Variants in KANSL3 observed in about 807,000 individuals in gnomAD.
The protein encoded by KANSL3 is NSL complex protein NSL3.
KANSL3 carries 16 observed loss-of-function variants against 89.2 expected under a neutral mutation model. The observed-to-expected ratio is 0.18, with a 90% CI of 0.12 to 0.27. The LOEUF is 0.27. KANSL3 is among the 10% of genes least tolerant of loss of function. KANSL3 has a pLI of 1.00. For missense variants in KANSL3, 879 were observed against 1,110.6 expected (o/e 0.79, Z 2.96); for synonymous variants, 385 against 419.7 (o/e 0.92, Z 1.01).
chr2:96,609,366 G>C, intron 12 of KANSL3, 133 bp downstream of exon 12: 1 of 782,172 alleles, frequency 1.3e-6, no homozygotes, highest in South Asian at 1.6e-5. Context: ...TCTTTTCTTT[G>C]CTTATGACTG....
chr2:96,631,361 C>T lies in KANSL3; in HGVS notation c.337G>A (p.Asp113Asn). Residue 113 changes from aspartate to asparagine, a missense_variant, in exon 3 of 21, where the codon GAT becomes AAT. By Grantham distance (23) the Asp-to-Asn change is conservative. Transcript: ENST00000431828. ...CERHVIFART[D>N]ADAPPPPEDW... ...TCTGGTGGAGGAGGGGCATCTGCATCAGTCCTGGCAAAGATGACATGCCGT... is the reference window on the plus strand; with the variant it reads ...TCTGGTGGAGGAGGGGCATCTGCATTAGTCCTGGCAAAGATGACATGCCGT... 6.2e-7 allele frequency: 1 copy of T among 1,613,064 alleles called. No individual in the cohort carries two copies. Among genetic ancestry groups the T allele is most frequent in the Middle Eastern group, 1.7e-4 (1 of 6,040 alleles).
chr2:96,609,683 G>T, intron 11 of KANSL3, 121 bp from the exon 12 acceptor site: 1 of 922,830 alleles, frequency 1.1e-6, no homozygotes. Flanking sequence ...GGCCATGTTA[G>T]CCTTAGGCAG....
downstream of KANSL3, among the ~76,000 whole-genome samples, chr2:96,588,277 G>A (rs145601924): frequency 2.0e-5 from 3 of 152,104 alleles, no homozygotes; most frequent in Non-Finnish European, 2.9e-5. Flanking sequence ...ATCTACAAAC[G>A]GGAAACAATT....
At chr2:96,628,168 G>A (rs1025983290) in intron 3 of KANSL3, 47 of 1,286,298 alleles carry the variant, frequency 3.7e-5, no homozygotes, top group African/African-American at 1.7e-4. Context: ...GGCCTATTCC[G>A]TGGACTCATC....
chr2:96,598,762 T>C (rs1363639896), intron 20 of KANSL3, among the ~76,000 whole-genome samples: 1 of 151,908 alleles, frequency 6.6e-6, no homozygotes, highest in Non-Finnish European at 1.5e-5. Flanking sequence ...ATAGAAAAAT[T>C]AGCTGAGGGT....
chr2:96,595,647 T>C lies in KANSL3; in HGVS notation c.2617-16A>G. ...GAGGCAGGCGCTGTGGCAGGAGAGG[T>C]AGTGAAGAAGGGTCAAAGCTTTGAC... On this transcript the variant is annotated splice_polypyrimidine_tract_variant and intron_variant, in intron 20 of 20. Coordinates refer to ENST00000431828, the MANE Select transcript of KANSL3 (RefSeq NM_001115016.3). 3.7e-6 allele frequency: 6 copies of C among 1,613,016 alleles called. No homozygotes were observed. The highest frequency in any genetic ancestry group is 1.1e-5 in the South Asian group (1 of 90,934).
In KANSL3 at chr2:96,597,294, C is replaced by T. The variant is rs547305149; in HGVS notation, c.2617-1663G>A. ...TAGTTTGTTTCTAAGCATTAAAAAA[C>T]GTCGGTTTCCAAAGCCTGAGGAGAT... On this transcript the variant is annotated intron_variant, in intron 20 of 20. Coordinates refer to ENST00000431828, the MANE Select transcript of KANSL3 (RefSeq NM_001115016.3). 9.2e-5 allele frequency among the ~76,000 whole-genome samples: 14 copies of T among 152,212 alleles called. No individual in the cohort carries two copies. The South Asian group carries it at 2.9e-3, about 32-fold the overall frequency.
At position 96,593,535 on chromosome 2, in the gene KANSL3, C is replaced by T. The variant is rs1553401910; in HGVS notation, c.*2076G>A. The T allele has an allele frequency of 2.9e-6, 1 of 350,074 alleles. No individual in the cohort carries two copies. The highest frequency in any genetic ancestry group is 5.6e-6 in the Non-Finnish European group (1 of 177,484). The allele number at this position is 350,074 out of a possible 1,614,324, so 21.7% of individuals were successfully genotyped here. A position where few individuals can be genotyped will look rare whatever the true frequency, so the allele number is the denominator to read the frequency against. On this transcript the variant is annotated 3_prime_UTR_variant, in exon 21 of 21. Transcript: ENST00000431828. Reference sequence around the variant, plus strand: ...AGGCCTCAGCCACTTCCTCTGTTACCCTGTGCAAGTTGTAGAACAATCCAC... The same window carrying T: ...AGGCCTCAGCCACTTCCTCTGTTACTCTGTGCAAGTTGTAGAACAATCCAC...
At chr2:96,619,309 G>A (rs2070802651) in intron 5 of KANSL3, 50 bp downstream of exon 5, 2 of 1,535,334 alleles carry the variant, frequency 1.3e-6, no homozygotes, top group African/African-American at 1.4e-5. Flanking sequence ...TGAACCCACA[G>A]GGGAGGATGG....
downstream of KANSL3, chr2:96,593,020 A>G (rs1216739698): frequency 8.5e-6 from 2 of 235,768 alleles, no homozygotes; most frequent in African/African-American, 4.5e-5. Flanking sequence ...AAAAAAGGAA[A>G]TTACAGTACC....
Position 96,611,141 on chromosome 2 carries a change from G to A in KANSL3, c.1087-3C>T, listed in dbSNP as rs372243860. On this transcript the variant is annotated splice_region_variant and splice_polypyrimidine_tract_variant and intron_variant, in intron 9 of 20. Coordinates refer to ENST00000431828, the MANE Select transcript of KANSL3 (RefSeq NM_001115016.3). ...GTGACATACTCCATTACTGACACCT[G>A]TAAATAACAGAACAGTTTGTCTAAA... The A allele has an allele frequency of 8.7e-6, 14 of 1,613,040 alleles. No individual in the cohort carries two copies. In the African/African-American group the frequency reaches 9.3e-5, roughly 11 times the overall value.
In KANSL3 at chr2:96,619,481, C is replaced by T. The variant is rs1305552397; in HGVS notation, c.541G>A (p.Ala181Thr). 5.6e-6 allele frequency: 9 copies of T among 1,613,906 alleles called. No homozygotes were observed. The highest frequency in any genetic ancestry group is 2.7e-5 in the African/African-American group (2 of 74,922). The change falls in exon 5 of 21, where the codon GCT becomes ACT. Residue 181 changes from alanine to threonine, a missense_variant. Physicochemically the swap from Ala to Thr is moderately conservative, Grantham distance 58. This residue lies in a region of KANSL3 where 210 missense variants were observed against 311.9 expected (regional missense o/e 0.67). Coordinates refer to ENST00000431828, the MANE Select transcript of KANSL3 (RefSeq NM_001115016.3). ...GTATCCCAGCTCACACTTGCCAGAG[C>T]CTGCCGCACTCTCCTTGCACACTTG... is the stretch of plus-strand genomic sequence containing the variant. ...VDKCARRVRQ[A>T]LASVSWDTKL...
chr2:96,598,177 A>G (rs1187175670), intron 20 of KANSL3: 1 of 978,836 alleles, frequency 1.0e-6, no homozygotes, highest in Non-Finnish European at 1.2e-6. Flanking sequence ...ACAGGCCCAA[A>G]TGGCTTTGTA....
At chr2:96,609,105 T>A (rs1321371803) in intron 12 of KANSL3, 41 bp from the exon 13 acceptor site, 1 of 1,505,720 alleles carries the variant, frequency 6.6e-7, no homozygotes, top group Admixed American at 2.0e-5. Flanking sequence ...TTAGTCCTCA[T>A]CTGGAGAATG....
At chr2:96,628,253 C>G (rs2072758727) in intron 3 of KANSL3, 1 of 984,934 alleles carries the variant, frequency 1.0e-6, no homozygotes. Flanking sequence ...CATCTATTCA[C>G]TTCTGAAATA....
At position 96,598,679 on chromosome 2, in the gene KANSL3, G is replaced by C. The variant is rs186761694; in HGVS notation, c.2616+2964C>G. ...AATCCCAACACTTTGGGAGGCCAAG[G>C]TGGGTGGATCACTTGAGGTCAGGAG... On this transcript the variant is annotated intron_variant, in intron 20 of 20. Coordinates refer to ENST00000431828, the MANE Select transcript of KANSL3 (RefSeq NM_001115016.3). 5.2e-4 allele frequency among the ~76,000 whole-genome samples: 79 copies of C among 152,278 alleles called. No homozygotes were observed. The South Asian group carries it at 7.0e-3, about 14-fold the overall frequency.
chr2:96,621,318 A>C (rs1196423411), intron 3 of KANSL3, among the ~76,000 whole-genome samples: 1 of 152,134 alleles, frequency 6.6e-6, no homozygotes, highest in Non-Finnish European at 1.5e-5. Context: ...GTTCAAGACC[A>C]GCCTGGCCAA....
At chr2:96,592,089 T>C (rs951923289), downstream of KANSL3, among the ~76,000 whole-genome samples, 2 of 152,176 alleles carry the variant, frequency 1.3e-5, no homozygotes, top group African/African-American at 4.8e-5. Flanking sequence ...TTTAACAATC[T>C]AATCCTCATC....
In KANSL3 at chr2:96,611,004, G is replaced by T. The variant is rs369407099; in HGVS notation, c.1161+60C>A. 3.9e-5 allele frequency: 62 copies of T among 1,580,664 alleles called. 1 individual carries two copies. The African/African-American group carries it at 7.0e-4, about 18-fold the overall frequency. ...CAGCCTCAGCATCAGCTTGGACAAG[G>T]CATGCACACTCGCGCTCCCACTGCC... On this transcript the variant is annotated intron_variant, in intron 10 of 20. Coordinates refer to ENST00000431828, the MANE Select transcript of KANSL3 (RefSeq NM_001115016.3).
Sources: allele counts gnomAD v4.1 joint callset (sites outside exome capture counted in the v4.1 genomes callset), GRCh38; gene constraint gnomAD v4.1.1; regional missense constraint gnomAD v4.1.1; transcripts MANE v1.5; gene names NCBI Gene and HGNC (gene_info 2026-07-23, HGNC 2026-07-21).